LUZP2: variants seen among roughly 807,000 people sequenced by gnomAD.
LUZP2 encodes leucine zipper protein 2.
LUZP2 carries 52 observed loss-of-function variants against 51.6 expected under a neutral mutation model. That is an observed-to-expected ratio of 1.01 (90% confidence interval 0.81 to 1.27). The LOEUF (loss-of-function observed/expected upper bound fraction) is 1.27, where lower values mean the gene tolerates loss of function less well. Among genes scored for constraint, LUZP2 ranks in the 50% most tolerant of loss-of-function variants. The probability of loss-of-function intolerance (pLI) is 0.00; values close to 1 mark genes in which losing one functional copy is unlikely to be tolerated. For synonymous variants in LUZP2, 154 were observed against 137.3 expected (o/e 1.12, Z -0.85); for missense variants, 436 against 395.4 (o/e 1.10, Z -0.87).
chr11:24,618,262 G>T (rs1181400888), intron 1 of LUZP2, among the ~76,000 whole-genome samples: 1 of 152,218 alleles, frequency 6.6e-6, no homozygotes, highest in Non-Finnish European at 1.5e-5. Context: ...TGGATATGAT[G>T]TAAGTCCAGG....
At chr11:24,756,618 A>G (rs12224130) in intron 4 of LUZP2, among the ~76,000 whole-genome samples, 19,968 of 152,148 alleles carry the variant, frequency 0.13, 1,683 homozygotes, top group East Asian at 0.42. Context: ...CCTTGACACA[A>G]ATTGTTTTGG....
At chr11:24,766,085 A>G (rs1034361554) in intron 5 of LUZP2, among the ~76,000 whole-genome samples, 5 of 152,032 alleles carry the variant, frequency 3.3e-5, no homozygotes, top group Non-Finnish European at 7.4e-5. Context: ...AAGCACCTTT[A>G]TTTCATCTAT....
chr11:24,717,754 C>T (rs1858109568), intron 1 of LUZP2, among the ~76,000 whole-genome samples: 1 of 152,160 alleles, frequency 6.6e-6, no homozygotes, highest in Non-Finnish European at 1.5e-5. Flanking sequence ...CTCCTCCCTC[C>T]CTTCACCCTC....
intron 6 of LUZP2, among the ~76,000 whole-genome samples, chr11:24,913,069 T>G (rs1294213436): frequency 2.6e-5 from 4 of 152,190 alleles, no homozygotes; most frequent in African/African-American, 9.7e-5. Flanking sequence ...TTAATTTTAT[T>G]GAGATTTATC....
At chr11:24,837,154 G>C (rs545892789) in intron 5 of LUZP2, among the ~76,000 whole-genome samples, 1 of 151,572 alleles carries the variant, frequency 6.6e-6, no homozygotes, top group Non-Finnish European at 1.5e-5. Flanking sequence ...ACATATATTA[G>C]AATATATATG....
chr11:24,734,003 T>C (rs1858831525), intron 3 of LUZP2, among the ~76,000 whole-genome samples: 1 of 151,818 alleles, frequency 6.6e-6, no homozygotes, highest in Non-Finnish European at 1.5e-5. Context: ...ATTTCAGTGA[T>C]AATAAATAGG....
At chr11:24,587,849 CATATT>C (rs1397889652) in intron 1 of LUZP2, among the ~76,000 whole-genome samples, 1 of 151,934 alleles carries the variant, frequency 6.6e-6, no homozygotes, top group African/African-American at 2.4e-5. Flanking sequence ...GAAAAAAAGG[CATATT>C]ATACAGATGT....
intron 1 of LUZP2, among the ~76,000 whole-genome samples, chr11:24,655,235 T>C (rs748180317): frequency 2.4e-4 from 36 of 152,180 alleles, no homozygotes; most frequent in Non-Finnish European, 4.7e-4. Context: ...AAGACAAAAA[T>C]TGGCAGTTTG....
rs1321202763 is a variant in LUZP2, at chr11:24,876,306, T to C, written c.397-29685T>C. ...GTAAGGAAGGGATCCAGTTTCAGCT[T>C]TCTACATATGGCTAGCCAGTTTTCC... On this transcript the variant is annotated intron_variant, in intron 5 of 11. Coordinates refer to ENST00000336930, the MANE Select transcript of LUZP2 (RefSeq NM_001009909.4). Among the ~76,000 whole-genome samples the C allele has an allele frequency of 2.0e-5, 3 of 149,978 alleles. No homozygotes were observed. The East Asian group carries it at 5.9e-4, about 30-fold the overall frequency.
chr11:24,865,180 T>G (rs1851853527), intron 5 of LUZP2, among the ~76,000 whole-genome samples: 1 of 152,232 alleles, frequency 6.6e-6, no homozygotes, highest in Non-Finnish European at 1.5e-5. Context: ...CATGTACTAC[T>G]TTTTTGGCTT....
chr11:24,983,081 T>A, intron 8 of LUZP2, 45 bp from the exon 9 acceptor site: 1 of 1,584,402 alleles, frequency 6.3e-7, no homozygotes, highest in Middle Eastern at 1.7e-4. Flanking sequence ...AGATAATTGA[T>A]GAGCATAGCT....
At chr11:24,537,552 CAT>C (rs1429688578) in intron 1 of LUZP2, among the ~76,000 whole-genome samples, 1 of 151,784 alleles carries the variant, frequency 6.6e-6, no homozygotes, top group Admixed American at 6.6e-5. Flanking sequence ...AAATAAAACA[CAT>C]ATATATTCAA....
chr11:24,825,492 A>G (rs1590599063), intron 5 of LUZP2, among the ~76,000 whole-genome samples: 1 of 152,162 alleles, frequency 6.6e-6, no homozygotes, highest in African/African-American at 2.4e-5. Context: ...TTTGTACACA[A>G]TGATCTTTTT....
intron 1 of LUZP2, among the ~76,000 whole-genome samples, chr11:24,569,592 C>T (rs192352103): frequency 6.6e-6 from 1 of 151,944 alleles, no homozygotes; most frequent in Admixed American, 6.6e-5. Context: ...GGAAATTATG[C>T]AAAATAGCAT....
intron 1 of LUZP2, among the ~76,000 whole-genome samples, chr11:24,680,732 C>G (rs1856705757): frequency 6.6e-6 from 1 of 152,132 alleles, no homozygotes; most frequent in Non-Finnish European, 1.5e-5. Flanking sequence ...CGAAATACTA[C>G]TAACAAATTC....
chr11:24,849,988 A>C (rs191042078), intron 5 of LUZP2, among the ~76,000 whole-genome samples: 1 of 151,890 alleles, frequency 6.6e-6, no homozygotes, highest in Admixed American at 6.6e-5. Context: ...TTTTCTTGTA[A>C]ATTTGTTTAA....
At chr11:24,953,700 G>A (rs1855139069) in intron 7 of LUZP2, among the ~76,000 whole-genome samples, 1 of 151,964 alleles carries the variant, frequency 6.6e-6, no homozygotes, top group Admixed American at 6.6e-5. Flanking sequence ...AAGAATATAA[G>A]AATCCTGTTT....
At chr11:25,069,290 C>G (rs1425356711) in intron 10 of LUZP2, among the ~76,000 whole-genome samples, 1 of 151,812 alleles carries the variant, frequency 6.6e-6, no homozygotes, top group Non-Finnish European at 1.5e-5. Flanking sequence ...ACTTTATGAC[C>G]TTGAGGATGT....
At chr11:24,781,763 G>T (rs1293443510) in intron 5 of LUZP2, among the ~76,000 whole-genome samples, 2 of 151,914 alleles carry the variant, frequency 1.3e-5, no homozygotes. Flanking sequence ...AAAACCACAT[G>T]ATTTAAATTT....
Sources: allele counts gnomAD v4.1 joint callset (sites outside exome capture counted in the v4.1 genomes callset), GRCh38; gene constraint gnomAD v4.1.1; transcripts MANE v1.5; gene names NCBI Gene and HGNC (gene_info 2026-07-23, HGNC 2026-07-21).